Variants in ARNT observed in about 807,000 individuals in gnomAD.
ARNT encodes aryl hydrocarbon receptor nuclear translocator, also known as class E basic helix-loop-helix protein 2.
In ARNT, 30 loss-of-function variants were observed where a neutral mutation model predicts 105.0. That is an observed-to-expected ratio of 0.29 (90% CI 0.21 to 0.39). The LOEUF is 0.39. Among genes scored for constraint, ARNT ranks in the 10% least tolerant of loss-of-function variants. The pLI is 1.00. For missense variants in ARNT, 748 were observed against 978.7 expected, an observed-to-expected ratio of 0.76 and a Z score of 3.15; for synonymous variants, 304 against 344.0, an observed-to-expected ratio of 0.88 and a Z score of 1.29.
chr1:150,821,828 C>CT (rs367766946), intron 14 of ARNT, among the ~76,000 whole-genome samples: 7,156 of 114,614 alleles, frequency 0.062, 889 homozygotes, highest in African/African-American at 0.23. Flanking sequence ...TTTGTATTTT[C>CT]TTTTTTTTTT....
rs906406254 is a variant in ARNT, at chr1:150,834,618, A to T, written c.723T>A (p.Thr241=). The change falls in exon 8 of 22, where the codon ACT becomes ACA. Residue 241 remains threonine, a synonymous_variant. Coordinates refer to ENST00000358595, the MANE Select transcript of ARNT (RefSeq NM_001668.4). ...GCTGACCTTCCTTTTTCACTGTTCC[A>T]GTCTTTAGATCCAGGATACGCCCTG... is the stretch of plus-strand genomic sequence containing the variant. The part of the protein sequence containing the change: ...ALTGRILDLK[T]GTVKKEGQQS... 3 of 1,613,932 alleles carry T rather than the reference A, an allele frequency of 1.9e-6. No individual in the cohort carries two copies. Among genetic ancestry groups the T allele is most frequent in the South Asian group, 1.1e-5 (1 of 91,082 alleles).
At chr1:150,850,526 C>T (rs112263106) in intron 3 of ARNT, among the ~76,000 whole-genome samples, 1 of 152,232 alleles carries the variant, frequency 6.6e-6, no homozygotes, top group South Asian at 2.1e-4. Context: ...GTGAGTGATC[C>T]GCCAGCCTCG....
At chr1:150,866,953 C>T (rs1666685569) in intron 1 of ARNT, among the ~76,000 whole-genome samples, 1 of 152,112 alleles carries the variant, frequency 6.6e-6, no homozygotes. Context: ...CACTTGTAAT[C>T]CCAGCACTGT....
chr1:150,874,106 T>A (rs1208390243), intron 1 of ARNT, among the ~76,000 whole-genome samples: 1 of 149,994 alleles, frequency 6.7e-6, no homozygotes, highest in African/African-American at 2.5e-5. Flanking sequence ...GTGTCCCTAG[T>A]CCTTAAAATG....
At chr1:150,834,454 A>T in intron 8 of ARNT, 84 bp downstream of exon 8, 1 of 1,322,204 alleles carries the variant, frequency 7.6e-7, no homozygotes, top group Non-Finnish European at 1.1e-6. Context: ...CACTGGAGCT[A>T]ATCCAACTTA....
chr1:150,862,712 T>TTAA (rs1290498075), intron 1 of ARNT, among the ~76,000 whole-genome samples: 3 of 66,600 alleles, frequency 4.5e-5, no homozygotes, highest in Non-Finnish European at 8.2e-5. Context: ...CCTGCCTCTG[T>TTAA]AAAAAAAAAA....
At chr1:150,871,554 G>C (rs893552202) in intron 1 of ARNT, among the ~76,000 whole-genome samples, 3 of 149,186 alleles carry the variant, frequency 2.0e-5, no homozygotes, top group Non-Finnish European at 4.4e-5. Context: ...GCCCACTTCG[G>C]CCTCCCAAAA....
At position 150,818,046 on chromosome 1, in the gene ARNT, A is replaced by C. The variant is rs1656294826; in HGVS notation, c.1395-16T>G. On this transcript the variant is annotated splice_polypyrimidine_tract_variant and intron_variant, in intron 14 of 21. Coordinates refer to ENST00000358595, the MANE Select transcript of ARNT (RefSeq NM_001668.4). ...GCTAGAGTTCCTAGGAAACCAGAGT[A>C]GACAGTAAAGAGGGGGTGGAGAGGG... 7.0e-6 allele frequency: 11 copies of C among 1,564,894 alleles called. No homozygotes were observed. Among genetic ancestry groups the C allele is most frequent in the Non-Finnish European group, 9.6e-6 (11 of 1,142,616 alleles).
At chr1:150,818,078 G>GA in intron 14 of ARNT, 48 bp from the exon 15 acceptor site, 2 of 1,250,992 alleles carry the variant, frequency 1.6e-6, no homozygotes, top group Non-Finnish European at 2.3e-6. Flanking sequence ...AGGGAGGAAG[G>GA]GGGGAGAGAG....
chr1:150,849,737 T>G (rs1324449684), intron 3 of ARNT, among the ~76,000 whole-genome samples: 3 of 152,190 alleles, frequency 2.0e-5, no homozygotes, highest in Non-Finnish European at 4.4e-5. Context: ...CACTCCAGTC[T>G]GGGTGACAGA....
intron 4 of ARNT, among the ~76,000 whole-genome samples, chr1:150,844,863 G>A (rs1480031967): frequency 1.3e-5 from 2 of 149,646 alleles, no homozygotes; most frequent in Non-Finnish European, 1.5e-5. Context: ...AGGCTGGAGT[G>A]CAATGGTGCC....
intron 14 of ARNT, among the ~76,000 whole-genome samples, chr1:150,821,582 T>C (rs1262601579): frequency 2.6e-5 from 4 of 152,238 alleles, no homozygotes; most frequent in Non-Finnish European, 4.4e-5. Context: ...TACATTTGTT[T>C]ACATTTCTCT....
intron 3 of ARNT, among the ~76,000 whole-genome samples, chr1:150,847,568 G>T (rs1379688696): frequency 6.6e-6 from 1 of 152,058 alleles, no homozygotes; most frequent in Non-Finnish European, 1.5e-5. Context: ...CTTTGGATCT[G>T]CATGTAGTTG....
At chr1:150,864,878 T>G (rs1308945546) in intron 1 of ARNT, among the ~76,000 whole-genome samples, 1 of 118,758 alleles carries the variant, frequency 8.4e-6, no homozygotes, top group African/African-American at 3.2e-5. Flanking sequence ...TGGTTTTCTT[T>G]AAATCAAAAA....
chr1:150,869,352 C>T (rs1667100375), intron 1 of ARNT, among the ~76,000 whole-genome samples: 2 of 151,862 alleles, frequency 1.3e-5, no homozygotes, highest in South Asian at 4.2e-4. Flanking sequence ...TGGTGGATGC[C>T]TGTAGTCCCA....
intron 6 of ARNT, among the ~76,000 whole-genome samples, chr1:150,839,057 C>A (rs1350434344): frequency 1.3e-5 from 2 of 152,170 alleles, no homozygotes; most frequent in African/African-American, 4.8e-5. Context: ...GGGACAGATT[C>A]ATTCTATTAC....
intron 1 of ARNT, 131 bp downstream of exon 1, chr1:150,876,412 C>A: frequency 4.1e-6 from 6 of 1,463,452 alleles, no homozygotes; most frequent in Admixed American, 4.9e-5. Context: ...GCTCCCCCAC[C>A]GTCTCTCGCG....
intron 2 of ARNT, among the ~76,000 whole-genome samples, chr1:150,856,244 C>A (rs1283212533): frequency 2.0e-5 from 3 of 151,940 alleles, no homozygotes; most frequent in African/African-American, 7.3e-5. Context: ...TCGAGACCAT[C>A]CTGGCTAACA....
At chr1:150,862,736 A>C (rs1665862704) in intron 1 of ARNT, among the ~76,000 whole-genome samples, 1 of 148,732 alleles carries the variant, frequency 6.7e-6, no homozygotes, top group Admixed American at 6.7e-5. Context: ...AAAAAAAAAA[A>C]GTTCATACTT....
Sources: gnomAD v4.1 joint callset for allele counts (sites outside exome capture counted in the v4.1 genomes callset) on GRCh38, gnomAD v4.1.1 for gene constraint, MANE v1.5 for transcripts, NCBI Gene and HGNC (gene_info 2026-07-23, HGNC 2026-07-21) for gene names.